The following RASGRF2 variants were observed in gnomAD, a reference collection of about 807,000 sequenced individuals.
The protein encoded by RASGRF2 is ras-specific guanine nucleotide-releasing factor 2.
A neutral mutation model predicts 151.0 loss-of-function variants in RASGRF2; 76 were observed. The ratio of observed to expected loss-of-function variants is 0.50; its 90% CI spans 0.42 to 0.61. RASGRF2 has a LOEUF of 0.61. Among genes scored for constraint, RASGRF2 ranks in the 20% least tolerant of loss-of-function variants. The pLI, the probability that RASGRF2 is intolerant of heterozygous loss-of-function variation, is 0.00. For synonymous variants in RASGRF2, 504 were observed against 566.5 expected, an observed-to-expected ratio of 0.89 and a Z score of 1.57; for missense variants, 1,148 against 1,564.6, an observed-to-expected ratio of 0.73 and a Z score of 4.49.
At chr5:81,002,727 A>G (rs1414788305) in intron 1 of RASGRF2, among the ~76,000 whole-genome samples, 2 of 152,200 alleles carry the variant, frequency 1.3e-5, no homozygotes, top group Non-Finnish European at 2.9e-5. Flanking sequence ...ATTAAGCCAT[A>G]ATCTTTCAGG....
intron 3 of RASGRF2, 136 bp downstream of exon 3, chr5:81,068,315 C>T: frequency 1.1e-6 from 1 of 937,616 alleles, no homozygotes; most frequent in South Asian, 2.0e-5. Context: ...CGTGGCTGGG[C>T]CTGACCTAGA....
At chr5:81,042,266 T>TAGGG (rs1421641315) in intron 1 of RASGRF2, among the ~76,000 whole-genome samples, 2 of 152,204 alleles carry the variant, frequency 1.3e-5, no homozygotes, top group African/African-American at 4.8e-5. Flanking sequence ...TCTTGACCCC[T>TAGGG]AGGATGGCAA....
chr5:81,073,670 G>T (rs1212346237), intron 5 of RASGRF2, among the ~76,000 whole-genome samples: 2 of 151,808 alleles, frequency 1.3e-5, no homozygotes, highest in Non-Finnish European at 2.9e-5. Context: ...CCAGGCTGGA[G>T]TGCAGTGGCA....
At position 81,226,320 on chromosome 5, in the gene RASGRF2, A is replaced by G. The variant is rs1755999449; in HGVS notation, c.*550A>G. Reference sequence around the variant, plus strand: ...GCATGGTTGTCAGTGCATTCTAAATATTTCTATGTGAGGAATGGTACCTTC... The same window carrying G: ...GCATGGTTGTCAGTGCATTCTAAATGTTTCTATGTGAGGAATGGTACCTTC... On this transcript the variant is annotated 3_prime_UTR_variant, in exon 27 of 27. Coordinates refer to ENST00000265080, the MANE Select transcript of RASGRF2 (RefSeq NM_006909.3). 6.6e-6 allele frequency: 1 copy of G among 152,284 alleles called. No homozygotes were observed. Among genetic ancestry groups the G allele is most frequent in the South Asian group, 2.1e-4 (1 of 4,838 alleles). The allele number at this position is 152,284 out of a possible 1,614,324, so 9.4% of individuals were successfully genotyped here.
chr5:80,971,851 A>G (rs182694364), intron 1 of RASGRF2, among the ~76,000 whole-genome samples: 2 of 152,028 alleles, frequency 1.3e-5, no homozygotes, highest in Admixed American at 1.3e-4. Context: ...GATTACAGGC[A>G]TGAGCCACCG....
intron 17 of RASGRF2, among the ~76,000 whole-genome samples, chr5:81,175,855 A>G (rs1754763693): frequency 6.6e-6 from 1 of 152,058 alleles, no homozygotes; most frequent in African/African-American, 2.4e-5. Context: ...TCCCATTTGT[A>G]TGAAATGAAA....
rs1300164092 is a variant in RASGRF2, at chr5:81,068,150, G to A, written c.514G>A (p.Asp172Asn). Reference protein sequence around the residue: ...NQLRHQLEDQDTEIERLKSEI... With the variant: ...NQLRHQLEDQNTEIERLKSEI... ...ACTCCGACATCAACTTGAAGATCAA[G>A]ACACAGAAATCGAAAGGCTTAAATC... The change falls in exon 3 of 27, where the codon GAC (aspartate) becomes AAC (asparagine). Residue 172 changes from aspartate (D) to asparagine (N), a missense_variant. Physicochemically the swap from Asp to Asn is conservative, Grantham distance 23. Around this residue, in one of 5 missense-constraint regions of RASGRF2, gnomAD observed 221 missense variants for 271.3 expected, o/e 0.81. Coordinates refer to ENST00000265080, the MANE Select transcript of RASGRF2 (RefSeq NM_006909.3). 6.2e-7 allele frequency: 1 copy of A among 1,612,730 alleles called. No individual in the cohort carries two copies. Among genetic ancestry groups the A allele is most frequent in the Admixed American group, 1.7e-5 (1 of 59,886 alleles).
At chr5:81,080,282 T>C in intron 6 of RASGRF2, 82 bp downstream of exon 6, 2 of 1,547,742 alleles carry the variant, frequency 1.3e-6, no homozygotes, top group Non-Finnish European at 1.7e-6. Context: ...TTATTCAGCC[T>C]AAACTGTTTG....
At chr5:81,211,523 GCGC>G (rs1432279056) in intron 22 of RASGRF2, among the ~76,000 whole-genome samples, 1 of 152,242 alleles carries the variant, frequency 6.6e-6, no homozygotes, top group Admixed American at 6.5e-5. Flanking sequence ...CGCTAAGGAT[GCGC>G]AGGCACTCAG....
intron 1 of RASGRF2, among the ~76,000 whole-genome samples, chr5:80,982,735 G>A (rs1253692855): frequency 6.6e-6 from 1 of 151,674 alleles, no homozygotes; most frequent in African/African-American, 2.4e-5. Context: ...CGAGTAGCTG[G>A]GACTACAAGT....
At position 81,018,688 on chromosome 5, in the gene RASGRF2, A is replaced by G. The variant is rs145877155; in HGVS notation, c.289-24189A>G. 2.8e-4 allele frequency among the ~76,000 whole-genome samples: 42 copies of G among 152,326 alleles called. 1 individual carries two copies. In the East Asian group the frequency reaches 7.5e-3, roughly 27 times the overall value. ...TACAGAAAGAAGAAAGGGAAAAAAC[A>G]AGAAAGAGGAGGAGGTAATGAATTA... On this transcript the variant is annotated intron_variant, in intron 1 of 26. Transcript: ENST00000265080.
chr5:81,055,875 A>G (rs576682746), intron 2 of RASGRF2, among the ~76,000 whole-genome samples: 1 of 152,178 alleles, frequency 6.6e-6, no homozygotes, highest in Non-Finnish European at 1.5e-5. Flanking sequence ...GTATGTGTCC[A>G]GGAATTTATC....
chr5:81,095,776 T>A (rs1752531704), intron 12 of RASGRF2, among the ~76,000 whole-genome samples: 1 of 152,166 alleles, frequency 6.6e-6, no homozygotes, highest in South Asian at 2.1e-4. Flanking sequence ...TTATAGTAAT[T>A]TATATATAAG....
intron 17 of RASGRF2, among the ~76,000 whole-genome samples, chr5:81,152,526 A>G (rs6891229): frequency 0.092 from 13,987 of 151,912 alleles, 762 homozygotes; most frequent in South Asian, 0.16. Context: ...TTCCTACCAC[A>G]AAGCTATCTG....
chr5:80,960,987 C>G lies in RASGRF2; in HGVS notation c.249C>G (p.Gly83=). Residue 83 remains glycine, a synonymous_variant, in exon 1 of 27, where the codon GGC becomes GGG. Coordinates refer to ENST00000265080, the MANE Select transcript of RASGRF2 (RefSeq NM_006909.3). This position sits in a 1 kb window ranked among gnomAD's most constrained non-coding sequence, Gnocchi z 5.5. ...CERTPAPPRA[G]AGQGGVRDAL... is the part of the protein sequence containing the mutation. Reference sequence around the variant, plus strand: ...GAACGCCCGCGCCACCCAGGGCCGGCGCCGGGCAGGGAGGCGTCCGAGACG... The same window carrying G: ...GAACGCCCGCGCCACCCAGGGCCGGGGCCGGGCAGGGAGGCGTCCGAGACG... The G allele has an allele frequency of 1.3e-6, 2 of 1,544,112 alleles. No homozygotes were observed. The highest frequency in any genetic ancestry group is 2.4e-5 in the South Asian group (2 of 84,636).
At chr5:80,985,916 G>A in intron 1 of RASGRF2, among the ~76,000 whole-genome samples, 1 of 149,184 alleles carries the variant, frequency 6.7e-6, no homozygotes, top group Middle Eastern at 3.3e-3. Flanking sequence ...GACTCCAATA[G>A]GTCTTTAGGT....
chr5:81,164,270 T>A (rs1274205591), intron 17 of RASGRF2, among the ~76,000 whole-genome samples: 2 of 152,190 alleles, frequency 1.3e-5, no homozygotes, highest in Non-Finnish European at 2.9e-5. Flanking sequence ...CTTCATTTCT[T>A]CAAGACTGGG....
At chr5:81,178,870 C>T (rs911915878) in intron 17 of RASGRF2, among the ~76,000 whole-genome samples, 3 of 152,300 alleles carry the variant, frequency 2.0e-5, no homozygotes, top group Admixed American at 6.5e-5. Flanking sequence ...TCCCGAGAGG[C>T]TGGGACTACA....
intron 25 of RASGRF2, 101 bp downstream of exon 25, chr5:81,217,574 CTTTTTTT>C (rs71603577): frequency 1.1e-4 from 20 of 181,614 alleles, no homozygotes; most frequent in East Asian, 2.5e-4. Flanking sequence ...TTTTTCTCTT[CTTTTTTT>C]TTTTTTTTTT....
Sources: gnomAD v4.1 joint callset for allele counts (sites outside exome capture counted in the v4.1 genomes callset) on GRCh38, gnomAD v4.1.1 for gene constraint, gnomAD v4.1.1 regional missense constraint, Gnocchi (gnomAD v3.1) non-coding constraint, MANE v1.5 for transcripts, NCBI Gene and HGNC (gene_info 2026-07-23, HGNC 2026-07-21) for gene names.